Variants in CAPN5 observed in about 807,000 individuals in gnomAD.
CAPN5 encodes the protein calpain-5.
CAPN5 carries 54 observed loss-of-function variants against 73.0 expected under a neutral mutation model. The observed-to-expected ratio is 0.74, with a 90% CI of 0.59 to 0.93. The LOEUF (loss-of-function observed/expected upper bound fraction) is 0.93. Among genes scored for constraint, CAPN5 ranks in the 40% least tolerant of loss-of-function variants. The pLI, the probability that CAPN5 is intolerant of heterozygous loss-of-function variation, is 0.00. For synonymous variants in CAPN5, 335 were observed against 356.9 expected, an observed-to-expected ratio of 0.94 and a Z score of 0.69; for missense variants, 785 against 882.9, an observed-to-expected ratio of 0.89 and a Z score of 1.41.
intron 3 of CAPN5, chr11:77,102,850 A>G (rs782137257): frequency 4.5e-5 from 71 of 1,593,286 alleles, no homozygotes; most frequent in Non-Finnish European, 6.0e-5. Context: ...ATGGCGGAGG[A>G]CAGGCCGCAG....
intron 2 of CAPN5, 28 bp downstream of exon 2, chr11:77,085,079 G>C (rs1444872645): frequency 1.2e-6 from 2 of 1,606,552 alleles, no homozygotes; most frequent in Non-Finnish European, 1.7e-6. Flanking sequence ...GCTGGAGCTG[G>C]GTGAGCGGGC....
At position 77,119,109 on chromosome 11, in the gene CAPN5, A is replaced by T; in HGVS notation, c.1247A>T (p.Glu416Val). 6.2e-7 allele frequency: 1 copy of T among 1,613,908 alleles called. No homozygotes were observed. The highest frequency in any genetic ancestry group is 2.2e-5 in the East Asian group (1 of 44,884). The change falls in exon 9 of 13, where the codon GAG becomes GTG. Residue 416 changes from glutamate to valine, a missense_variant. Transcript: ENST00000648180. ...CGGCCAAAGCGGTCTACGCGCCGGG[A>T]GGGCAAGGGTGAGAACCTGGCCATT... ...QQRPKRSTRR[E>V]GKGENLAIGF...
In CAPN5 at chr11:77,112,603, G is replaced by C. The variant is rs1555040922; in HGVS notation, c.312G>C (p.Trp104Cys). ...CCCCTACCCAGGTCATCCCAGACTG[G>C]AAGGAGCAGGAATGGGACCCCGAAA... Reference protein sequence around the residue: ...ESLWQKVIPDWKEQEWDPEKP... With the variant: ...ESLWQKVIPDCKEQEWDPEKP... The change falls in exon 4 of 13, where the codon TGG (tryptophan) becomes TGC (cysteine). Residue 104 changes from tryptophan (W) to cysteine (C), a missense_variant. Trp to Cys is a radical substitution (Grantham distance 215). Transcript: ENST00000648180. 1 of 1,613,912 alleles carries C rather than the reference G, an allele frequency of 6.2e-7. No individual in the cohort carries two copies. Among genetic ancestry groups the C allele is most frequent in the South Asian group, 1.1e-5 (1 of 91,062 alleles).
intron 4 of CAPN5, among the ~76,000 whole-genome samples, chr11:77,113,777 AAC>A (rs1268355691): frequency 1.2e-4 from 13 of 108,740 alleles, no homozygotes; most frequent in South Asian, 6.3e-4. Context: ...TTTTTGAAAA[AAC>A]ACAGTTTCAT....
chr11:77,081,170 G>A (rs1010103680), intron 1 of CAPN5, among the ~76,000 whole-genome samples: 1 of 152,176 alleles, frequency 6.6e-6, no homozygotes, highest in East Asian at 1.9e-4. Flanking sequence ...TCCAGACTCC[G>A]TATCCTAGGC....
intron 3 of CAPN5, among the ~76,000 whole-genome samples, chr11:77,098,504 T>C (rs1307747922): frequency 2.6e-3 from 171 of 65,928 alleles, no homozygotes; most frequent in East Asian, 7.6e-3. Flanking sequence ...GGCGGAGGGC[T>C]GACCCCCCCA....
At chr11:77,105,664 C>T (rs74939110) in intron 3 of CAPN5, among the ~76,000 whole-genome samples, 144 of 152,324 alleles carry the variant, frequency 9.5e-4, no homozygotes, top group African/African-American at 3.3e-3. Flanking sequence ...CAACCCCCTC[C>T]CAGACTCAGG....
At chr11:77,088,597 C>G (rs539413745) in intron 2 of CAPN5, among the ~76,000 whole-genome samples, 1 of 152,140 alleles carries the variant, frequency 6.6e-6, no homozygotes, top group Non-Finnish European at 1.5e-5. Context: ...ATGGAAGTCC[C>G]GTGTCCTTCC....
chr11:77,122,575 G>T lies in CAPN5; in HGVS notation c.1604-1G>T. The T allele has an allele frequency of 1.4e-6, 2 of 1,407,340 alleles. No individual in the cohort carries two copies. Among genetic ancestry groups the T allele is most frequent in the South Asian group, 1.2e-5 (1 of 86,566 alleles). 87.2% of individuals were successfully genotyped at this position (1,407,340 alleles called of 1,614,324 possible). ...CCCCATCTCCCACTCCCTCTCCCTA[G>T]GGGCTAACTCTTATGTGATCATCAA... On this transcript the variant is annotated splice_acceptor_variant, in intron 11 of 12. Transcript: ENST00000648180. LOFTEE classifies it high-confidence loss of function.
chr11:77,076,192 T>C (rs1267802443), intron 1 of CAPN5, among the ~76,000 whole-genome samples: 2 of 152,086 alleles, frequency 1.3e-5, no homozygotes, highest in African/African-American at 4.8e-5. Context: ...TGAAACCCCA[T>C]CTCTACTAAA....
At chr11:77,074,898 G>A (rs1591109168) in intron 1 of CAPN5, among the ~76,000 whole-genome samples, 1 of 152,196 alleles carries the variant, frequency 6.6e-6, no homozygotes, top group Non-Finnish European at 1.5e-5. Flanking sequence ...CCACCAGGAA[G>A]AGCTGAGGCT....
intron 1 of CAPN5, among the ~76,000 whole-genome samples, chr11:77,074,300 AT>A (rs1854713793): frequency 1.3e-5 from 2 of 151,654 alleles, no homozygotes; most frequent in Admixed American, 6.6e-5. Flanking sequence ...GCCCCAGTAA[AT>A]GCTGATGCCC....
At chr11:77,080,248 C>T (rs1950014734) in intron 1 of CAPN5, among the ~76,000 whole-genome samples, 1 of 152,194 alleles carries the variant, frequency 6.6e-6, no homozygotes, top group African/African-American at 2.4e-5. Flanking sequence ...AGCCTTGTTA[C>T]TTAGTAGTGT....
chr11:77,076,178 A>G (rs1555033896), intron 1 of CAPN5, among the ~76,000 whole-genome samples: 1 of 152,162 alleles, frequency 6.6e-6, no homozygotes, highest in Non-Finnish European at 1.5e-5. Flanking sequence ...CCTGGCCAAC[A>G]TGGTGAAACC....
intron 3 of CAPN5, among the ~76,000 whole-genome samples, chr11:77,109,834 C>G (rs1950393649): frequency 6.6e-6 from 1 of 152,176 alleles, no homozygotes; most frequent in Admixed American, 6.5e-5. Context: ...TTAGCAGCTT[C>G]TTGAGCCACA....
At position 77,123,745 on chromosome 11, in the gene CAPN5, G is replaced by C. The variant is rs1555043337; in HGVS notation, c.1798G>C (p.Asp600His). Residue 600 changes from aspartate (D) to histidine (H), a missense_variant, in exon 13 of 13, where the codon GAC becomes CAC. Coordinates refer to ENST00000648180, the MANE Select transcript of CAPN5 (RefSeq NM_004055.5). ...EFLGQVHLKA[D>H]PDNLQALHTL... ...TCTGGGCCAGGTGCACCTAAAGGCTGACCCGGACAACCTCCAGGCCCTGCA... is the reference window on the plus strand; with the variant it reads ...TCTGGGCCAGGTGCACCTAAAGGCTCACCCGGACAACCTCCAGGCCCTGCA... 6.2e-7 allele frequency: 1 copy of C among 1,613,892 alleles called. No homozygotes were observed. The highest frequency in any genetic ancestry group is 2.2e-5 in the East Asian group (1 of 44,872).
rs75870394 is a variant in CAPN5 at position 77,104,260 on chromosome 11, G to A, written c.298-8329G>A. ...GGGGGTTCCCTTTGCCTTGAGGGAA[G>A]TTGGAGCTGGAGAGAGTGGATTCTC... On this transcript the variant is annotated intron_variant, in intron 3 of 12. Transcript: ENST00000648180. Among the ~76,000 whole-genome samples the A allele has an allele frequency of 2.6e-3, 394 of 152,332 alleles. 2 individuals are homozygous for A. Among genetic ancestry groups the A allele is most frequent in the African/African-American group, 9.1e-3 (377 of 41,568 alleles).
At chr11:77,123,158 G>A (rs2135491744) in intron 12 of CAPN5, among the ~76,000 whole-genome samples, 1 of 152,326 alleles carries the variant, frequency 6.6e-6, no homozygotes, top group South Asian at 2.1e-4. Context: ...TGTGGCCTGG[G>A]GATGATGATT....
chr11:77,070,454 G>A (rs1196316573), intron 1 of CAPN5, among the ~76,000 whole-genome samples: 1 of 152,218 alleles, frequency 6.6e-6, no homozygotes, highest in Non-Finnish European at 1.5e-5. Flanking sequence ...GGACCCAAGT[G>A]ATTTGTTACT....
Sources: gnomAD v4.1 joint callset for allele counts (sites outside exome capture counted in the v4.1 genomes callset) on GRCh38, gnomAD v4.1.1 for gene constraint, MANE v1.5 for transcripts, NCBI Gene and HGNC (gene_info 2026-07-23, HGNC 2026-07-21) for gene names.